The following EPHA6 variants were observed in gnomAD, a reference collection of about 807,000 sequenced individuals.
The protein encoded by EPHA6 is EPH receptor A6, also known as ephrin type-A receptor 6.
Under a neutral mutation model 112.0 loss-of-function variants are expected in EPHA6, and 50 were observed. That is an observed-to-expected ratio of 0.45 (90% CI 0.36 to 0.56). The LOEUF is 0.56. Among genes scored for constraint, EPHA6 ranks in the 20% least tolerant of loss-of-function variants. The pLI, the probability that EPHA6 is intolerant of heterozygous loss-of-function variation, is 0.00. For missense variants in EPHA6, 1,280 were observed against 1,417.4 expected (o/e 0.90, Z 1.56); for synonymous variants, 529 against 490.7 (o/e 1.08, Z -1.03).
intron 5 of EPHA6, among the ~76,000 whole-genome samples, chr3:97,371,494 A>G (rs550760851): frequency 1.5e-4 from 23 of 152,286 alleles, no homozygotes; most frequent in Admixed American, 1.3e-3. Context: ...GTGATTTCCT[A>G]TGCCTGCTTT....
chr3:97,245,014 G>A (rs551737104), intron 5 of EPHA6, among the ~76,000 whole-genome samples: 3 of 152,018 alleles, frequency 2.0e-5, no homozygotes, highest in African/African-American at 4.8e-5. Context: ...AACTCCTTTC[G>A]AGAAGTGTTC....
At chr3:97,228,172 T>C (rs968419980) in intron 4 of EPHA6, among the ~76,000 whole-genome samples, 4 of 152,158 alleles carry the variant, frequency 2.6e-5, no homozygotes, top group South Asian at 2.1e-4. Flanking sequence ...TTAATTTTTA[T>C]TTTTATAACA....
intron 3 of EPHA6, among the ~76,000 whole-genome samples, chr3:96,998,683 T>C (rs2043514590): frequency 6.6e-6 from 1 of 151,926 alleles, no homozygotes; most frequent in African/African-American, 2.4e-5. Context: ...TAGTTATATC[T>C]GATGTGTCTG....
At chr3:97,433,561 T>G (rs1466745615) in intron 6 of EPHA6, among the ~76,000 whole-genome samples, 1 of 152,136 alleles carries the variant, frequency 6.6e-6, no homozygotes, top group Non-Finnish European at 1.5e-5. Flanking sequence ...CTGAAAAGTT[T>G]TACATTTTAA....
chr3:96,929,686 G>C (rs146768774), intron 2 of EPHA6, among the ~76,000 whole-genome samples: 14 of 152,220 alleles, frequency 9.2e-5, no homozygotes, highest in African/African-American at 3.1e-4. Flanking sequence ...CTTGAAGACT[G>C]TGATGATTAT....
At chr3:97,416,416 G>A (rs901287532) in intron 6 of EPHA6, among the ~76,000 whole-genome samples, 3 of 151,978 alleles carry the variant, frequency 2.0e-5, no homozygotes, top group African/African-American at 7.2e-5. Context: ...TTCATTTTTG[G>A]ATTAGGCACT....
intron 16 of EPHA6, 59 bp from the exon 17 acceptor site, chr3:97,747,364 T>G: frequency 1.5e-6 from 2 of 1,356,388 alleles, no homozygotes; most frequent in South Asian, 3.4e-5. Flanking sequence ...TTCCGTGATT[T>G]GTGCTTTATT....
chr3:97,508,126 G>A (rs1181979190), intron 10 of EPHA6, among the ~76,000 whole-genome samples: 2 of 151,762 alleles, frequency 1.3e-5, no homozygotes, highest in East Asian at 1.9e-4. Flanking sequence ...TGGATTCATT[G>A]ATTTTTTTTT....
At chr3:97,454,474 A>G (rs187913509) in intron 7 of EPHA6, among the ~76,000 whole-genome samples, 1 of 151,932 alleles carries the variant, frequency 6.6e-6, no homozygotes, top group Admixed American at 6.6e-5. Context: ...ACTAAAGAAT[A>G]GTATGTTGCC....
At chr3:97,629,362 C>G (rs963695681) in intron 13 of EPHA6, among the ~76,000 whole-genome samples, 8 of 151,932 alleles carry the variant, frequency 5.3e-5, no homozygotes, top group Non-Finnish European at 1.0e-4. Flanking sequence ...AAATACTATT[C>G]TAAAAATAAT....
intron 3 of EPHA6, among the ~76,000 whole-genome samples, chr3:97,067,733 C>T (rs2046223292): frequency 6.6e-6 from 1 of 151,886 alleles, no homozygotes; most frequent in Non-Finnish European, 1.5e-5. Context: ...GACAACTTGA[C>T]CTGATTAACA....
Position 97,244,141 on chromosome 3 carries a change from C to T in EPHA6, c.1460C>T (p.Thr487Ile). The T allele has an allele frequency of 1.2e-6, 2 of 1,613,056 alleles. No homozygotes were observed. Among genetic ancestry groups the T allele is most frequent in the Non-Finnish European group, 1.7e-6 (2 of 1,179,332 alleles). Residue 487 changes from threonine (T) to isoleucine (I), a missense_variant, in exon 5 of 18, where the codon ACA becomes ATA. By Grantham distance (89) the Thr-to-Ile change is moderately conservative. Around this residue, in one of 4 missense-constraint regions of EPHA6, gnomAD observed 878 missense variants for 999.7 expected, o/e 0.88. Coordinates refer to ENST00000389672, the MANE Select transcript of EPHA6 (RefSeq NM_001080448.3). ...GGACTCCGCTTCATCCCAAGACATA[C>T]AGGCCTGATCAACAATTCCGTGATA... is the stretch of plus-strand genomic sequence containing the variant. The part of the protein sequence containing the change: ...GGGLRFIPRH[T>I]GLINNSVIVL...
intron 2 of EPHA6, among the ~76,000 whole-genome samples, chr3:96,879,131 A>T (rs959208581): frequency 6.6e-6 from 1 of 152,082 alleles, no homozygotes; most frequent in African/African-American, 2.4e-5. Flanking sequence ...TGAAAATCTT[A>T]AAAGAAGATA....
At chr3:97,096,054 A>G (rs1236096963) in intron 3 of EPHA6, among the ~76,000 whole-genome samples, 1 of 152,006 alleles carries the variant, frequency 6.6e-6, no homozygotes, top group Non-Finnish European at 1.5e-5. Context: ...AGGACTGAGG[A>G]CCTAATATGA....
chr3:97,359,318 C>T (rs2084244836), intron 5 of EPHA6, among the ~76,000 whole-genome samples: 1 of 151,836 alleles, frequency 6.6e-6, no homozygotes, highest in Non-Finnish European at 1.5e-5. Context: ...TCTTCATCCT[C>T]AAATCTGCCT....
chr3:97,327,189 A>G (rs2082472351), intron 5 of EPHA6, among the ~76,000 whole-genome samples: 1 of 152,066 alleles, frequency 6.6e-6, no homozygotes, highest in Admixed American at 6.6e-5. Flanking sequence ...TGAAATATAA[A>G]AGTACTTTAT....
intron 2 of EPHA6, among the ~76,000 whole-genome samples, chr3:96,868,756 GA>G (rs1559786696): frequency 6.6e-6 from 1 of 151,742 alleles, no homozygotes; most frequent in African/African-American, 2.4e-5. Context: ...CTTTTTAATT[GA>G]AAAAAACTCT....
At chr3:97,527,242 G>T (rs2092633868) in intron 10 of EPHA6, among the ~76,000 whole-genome samples, 1 of 151,978 alleles carries the variant, frequency 6.6e-6, no homozygotes, top group Admixed American at 6.6e-5. Context: ...TGGAAAATGG[G>T]GTTATTTATG....
At chr3:97,110,514 T>C (rs1021549479) in intron 3 of EPHA6, among the ~76,000 whole-genome samples, 3 of 151,942 alleles carry the variant, frequency 2.0e-5, no homozygotes, top group Admixed American at 6.6e-5. Flanking sequence ...AACTCCTTCA[T>C]TTTATTATAT....
Sources: gnomAD v4.1 joint callset for allele counts (sites outside exome capture counted in the v4.1 genomes callset) on GRCh38, gnomAD v4.1.1 for gene constraint, gnomAD v4.1.1 regional missense constraint, MANE v1.5 for transcripts, NCBI Gene and HGNC (gene_info 2026-07-23, HGNC 2026-07-21) for gene names.